CEACAM1: variants seen among roughly 807,000 people sequenced by gnomAD.
The protein encoded by CEACAM1 is CEA cell adhesion molecule 1.
CEACAM1 carries 31 observed loss-of-function variants against 49.1 expected under a neutral mutation model. The ratio of observed to expected loss-of-function variants is 0.63; its 90% CI spans 0.47 to 0.85. CEACAM1 has a LOEUF of 0.85. Ranked by LOEUF, CEACAM1 falls within the 40% of genes least tolerant of loss-of-function variation. The pLI is 0.00. For missense variants in CEACAM1, 570 were observed against 645.3 expected (o/e 0.88, Z 1.26); for synonymous variants, 244 against 247.8 (o/e 0.98, Z 0.14).
chr19:42,512,529 A>T, intron 5 of CEACAM1, 50 bp from the exon 6 acceptor site: 1 of 1,562,540 alleles, frequency 6.4e-7, no homozygotes, highest in Non-Finnish European at 8.8e-7. Flanking sequence ...ATTATTTTAC[A>T]ATGGGGGCTG....
At chr19:42,527,003 A>T in intron 2 of CEACAM1, 38 bp downstream of exon 2, 1 of 1,573,152 alleles carries the variant, frequency 6.4e-7, no homozygotes, top group Admixed American at 1.8e-5. Flanking sequence ...AAGTAGAACT[A>T]ACCCCCCAAC....
At chr19:42,520,238 G>A (rs376386303) in intron 4 of CEACAM1, among the ~76,000 whole-genome samples, 1 of 152,232 alleles carries the variant, frequency 6.6e-6, no homozygotes, top group South Asian at 2.1e-4. Context: ...TGGGTCACTC[G>A]CTGTGCTCTG....
At chr19:42,517,295 C>G (rs773773872) in intron 5 of CEACAM1, among the ~76,000 whole-genome samples, 1 of 152,136 alleles carries the variant, frequency 6.6e-6, no homozygotes, top group African/African-American at 2.4e-5. Context: ...ACACTAAAAG[C>G]ATAGGCAACG....
In CEACAM1 at chr19:42,518,969, G is replaced by A. The variant is rs1334083996; in HGVS notation, c.1225C>T (p.Pro409Ser). ...FNPISKNQSD[P>S]IMLNVNYNAL... The stretch of plus-strand genomic sequence containing the variant: ...TTACAGTTTACGTTCAGCATGATGG[G>A]GTCGCTTTGGTTCTTACTGATTGGG... The change falls in exon 5 of 9, where the codon CCC becomes TCC. Residue 409 changes from proline to serine, a missense_variant. Coordinates refer to ENST00000161559, the MANE Select transcript of CEACAM1 (RefSeq NM_001712.5). 1.9e-6 allele frequency: 3 copies of A among 1,614,130 alleles called. No homozygotes were observed. In the South Asian group the frequency reaches 3.3e-5, roughly 18 times the overall value.
chr19:42,521,875 G>T lies in CEACAM1; in HGVS notation c.703+49C>A, dbSNP rs375125815. On this transcript the variant is annotated intron_variant, in intron 3 of 8. Transcript: ENST00000161559. ...ACTGAGAGGCCTGGCCTCTGGCTGC[G>T]TGGATTTGGGCTGGCAGCCTGGGCC... 1.9e-6 allele frequency: 3 copies of T among 1,613,510 alleles called. No individual in the cohort carries two copies. The East Asian group carries it at 6.7e-5, about 36-fold the overall frequency.
intron 5 of CEACAM1, among the ~76,000 whole-genome samples, chr19:42,518,191 G>C (rs889953208): frequency 6.6e-6 from 1 of 152,108 alleles, no homozygotes; most frequent in African/African-American, 2.4e-5. Flanking sequence ...TTGGGAGGCC[G>C]AGGCTGAGAC....
Position 42,515,237 on chromosome 19 carries a change from T to G in CEACAM1, c.1247-2758A>C, listed in dbSNP as rs117581423. 2.1e-4 allele frequency: 97 copies of G among 455,954 alleles called. 1 individual carries two copies. In the East Asian group the frequency reaches 3.2e-3, roughly 15 times the overall value. 28.2% of individuals were successfully genotyped at this position (455,954 alleles called of 1,614,324 possible). Reference sequence around the variant, plus strand: ...GTGTTTGCACCACTGCACTCCAGTCTGGGTGACAGAGTGACACCCTGTCTC... The same window carrying G: ...GTGTTTGCACCACTGCACTCCAGTCGGGGTGACAGAGTGACACCCTGTCTC... On this transcript the variant is annotated intron_variant, in intron 5 of 8. Coordinates refer to ENST00000161559, the MANE Select transcript of CEACAM1 (RefSeq NM_001712.5).
intron 2 of CEACAM1, among the ~76,000 whole-genome samples, chr19:42,523,708 A>C (rs898689638): frequency 6.6e-6 from 1 of 152,250 alleles, no homozygotes; most frequent in Non-Finnish European, 1.5e-5. Context: ...TTGAGAAGTT[A>C]AATTATTCCA....
chr19:42,526,379 G>A (rs559963647), intron 2 of CEACAM1, among the ~76,000 whole-genome samples: 3 of 152,260 alleles, frequency 2.0e-5, no homozygotes, highest in East Asian at 3.9e-4. Context: ...ACTTCCTATG[G>A]CATCTCCTAA....
intron 5 of CEACAM1, chr19:42,515,170 A>T (rs763276155): frequency 2.0e-5 from 11 of 542,344 alleles, no homozygotes; most frequent in Non-Finnish European, 3.6e-5. Context: ...GGCTAAGGTG[A>T]GGGAATTGCT....
At position 42,527,251 on chromosome 19, in the gene CEACAM1, T is replaced by C; in HGVS notation, c.214A>G (p.Arg72Gly). The change falls in exon 2 of 9, where the codon AGA becomes GGA. Residue 72 changes from arginine to glycine, a missense_variant. Physicochemically the swap from Arg to Gly is moderately radical, Grantham distance 125 (BLOSUM62 -2). Transcript: ENST00000161559. ...LFGYSWYKGE[R>G]VDGNRQIVGY... The stretch of plus-strand genomic sequence containing the variant: ...ACAATTTGACGGTTGCCATCCACTC[T>C]TTCCCCTTTGTACCAGCTGTAGCCA... 6.2e-7 allele frequency: 1 copy of C among 1,614,110 alleles called. No homozygotes were observed. The highest frequency in any genetic ancestry group is 8.5e-7 in the Non-Finnish European group (1 of 1,179,984).
chr19:42,521,404 T>C lies in CEACAM1; in HGVS notation c.821A>G (p.Asn274Ser). Residue 274 changes from asparagine (N) to serine (S), a missense_variant, in exon 4 of 9, where the codon AAT (asparagine) becomes AGT (serine). By Grantham distance (46) the Asn-to-Ser change is conservative (BLOSUM62 1). Coordinates refer to ENST00000161559, the MANE Select transcript of CEACAM1 (RefSeq NM_001712.5). ...NPPAQYSWLINGTFQQSTQEL... is the reference protein window; with the variant it reads ...NPPAQYSWLISGTFQQSTQEL... The stretch of plus-strand genomic sequence containing the variant: ...TTGTGTGCTTTGCTGGAATGTTCCA[T>C]TGATAAGCCAGGAGTACTGTGCAGG... 6 of 1,614,202 alleles carry C rather than the reference T, an allele frequency of 3.7e-6. No individual in the cohort carries two copies. The highest frequency in any genetic ancestry group is 4.2e-6 in the Non-Finnish European group (5 of 1,180,026).
chr19:42,527,637 C>T (rs948025007), intron 1 of CEACAM1: 31 of 518,984 alleles, frequency 6.0e-5, no homozygotes, highest in African/African-American at 4.2e-4. Context: ...CCCAGGGATC[C>T]GCATGGCTCC....
intron 5 of CEACAM1, among the ~76,000 whole-genome samples, chr19:42,518,045 G>A (rs567225562): frequency 1.3e-5 from 2 of 152,308 alleles, no homozygotes; most frequent in Non-Finnish European, 2.9e-5. Context: ...CATAGATGGA[G>A]CTTGAAGACA....
At position 42,527,203 on chromosome 19, in the gene CEACAM1, G is replaced by T. The variant is rs140166708; in HGVS notation, c.262C>A (p.Gln88Lys). The T allele has an allele frequency of 9.9e-5, 159 of 1,613,966 alleles. 1 individual carries two copies. Among genetic ancestry groups the T allele is most frequent in the Non-Finnish European group, 5.3e-5 (62 of 1,179,988 alleles). The change falls in exon 2 of 9, where the codon CAA becomes AAA. Residue 88 changes from glutamine (Q) to lysine (K), a missense_variant. Physicochemically the swap from Gln to Lys is moderately conservative, Grantham distance 53 (BLOSUM62 1). Transcript: ENST00000161559. ...QIVGYAIGTQ[Q>K]ATPGPANSGR... ...CTGTTTGCGGGCCCTGGGGTAGCTT[G>T]TTGAGTTCCTATTGCATATCCTACA... is the stretch of plus-strand genomic sequence containing the variant.
chr19:42,514,880 A>T (rs1228722159), intron 5 of CEACAM1: 1 of 510,218 alleles, frequency 2.0e-6, no homozygotes, highest in Non-Finnish European at 3.5e-6. Flanking sequence ...TTCAAGGCTA[A>T]TGATAATAGT....
intron 2 of CEACAM1, among the ~76,000 whole-genome samples, chr19:42,522,881 C>T (rs569403046): frequency 4.1e-4 from 63 of 152,290 alleles, no homozygotes; most frequent in Non-Finnish European, 7.1e-4. Flanking sequence ...TCAGCCAACC[C>T]AAGTCCCTAA....
At chr19:42,523,192 A>C (rs920277172) in intron 2 of CEACAM1, among the ~76,000 whole-genome samples, 1 of 152,178 alleles carries the variant, frequency 6.6e-6, no homozygotes, top group Non-Finnish European at 1.5e-5. Context: ...TTTTCTCTGC[A>C]GCTTCCCTGT....
At chr19:42,509,802 A>G (rs1287472418) in intron 8 of CEACAM1, among the ~76,000 whole-genome samples, 1 of 151,608 alleles carries the variant, frequency 6.6e-6, no homozygotes, top group Non-Finnish European at 1.5e-5. Flanking sequence ...AATTTTTTGT[A>G]TTTTTAGTAG....
Sources: gnomAD v4.1 joint callset for allele counts (sites outside exome capture counted in the v4.1 genomes callset) on GRCh38, gnomAD v4.1.1 for gene constraint, MANE v1.5 for transcripts, NCBI Gene and HGNC (gene_info 2026-07-23, HGNC 2026-07-21) for gene names.